The following ERLEC1 variants were observed in gnomAD, a reference collection of about 807,000 sequenced individuals.
ERLEC1 encodes the protein endoplasmic reticulum lectin 1, also known as ER lectin.
ERLEC1 carries 47 observed loss-of-function variants against 68.0 expected under a neutral mutation model. The observed-to-expected ratio is 0.69, with a 90% CI of 0.55 to 0.88. ERLEC1 has a LOEUF of 0.88. Ranked by LOEUF, ERLEC1 falls within the 40% of genes least tolerant of loss-of-function variation. The pLI is 0.00. For synonymous variants in ERLEC1, 225 were observed against 203.2 expected, an observed-to-expected ratio of 1.11 and a Z score of -0.91; for missense variants, 567 against 583.8, an observed-to-expected ratio of 0.97 and a Z score of 0.30.
chr2:53,805,179 TG>T (rs1676220997), intron 8 of ERLEC1, among the ~76,000 whole-genome samples: 1 of 151,308 alleles, frequency 6.6e-6, no homozygotes, highest in South Asian at 2.1e-4. Flanking sequence ...CCCACCACCA[TG>T]CCCGGCTAAT....
chr2:53,807,519 C>T lies in ERLEC1; in HGVS notation c.880-780C>T, dbSNP rs1282420434. The stretch of plus-strand genomic sequence containing the variant: ...CTCCCAGGTTCAAGAGATTATCATG[C>T]CTCAACCTCCCGAGTAGCTGGGATT... On this transcript the variant is annotated intron_variant, in intron 8 of 13. Transcript: ENST00000185150. Among the ~76,000 whole-genome samples the T allele has an allele frequency of 6.6e-5, 10 of 152,142 alleles. No homozygotes were observed. In the East Asian group the frequency reaches 1.7e-3, roughly 26 times the overall value.
At chr2:53,812,208 C>A (rs1316338913) in intron 10 of ERLEC1, among the ~76,000 whole-genome samples, 2 of 152,138 alleles carry the variant, frequency 1.3e-5, no homozygotes, top group African/African-American at 4.8e-5. Flanking sequence ...AGCCTCCGCG[C>A]CCCAGCCAGG....
rs377116177 is a variant in ERLEC1, at chr2:53,797,586, T to G, written c.420T>G (p.Thr140=). 60 of 1,610,154 alleles carry G rather than the reference T, an allele frequency of 3.7e-5. No individual in the cohort carries two copies. Among genetic ancestry groups the G allele is most frequent in the African/African-American group, 1.6e-4 (12 of 74,862 alleles). The change falls in exon 4 of 14, where the codon ACT becomes ACG. Residue 140 remains threonine, a synonymous_variant. Coordinates refer to ENST00000185150, the MANE Select transcript of ERLEC1 (RefSeq NM_015701.5). ...GGCAGTACCATGAAGAGAAAGAAACTGGTCAGGTGTGTTTTTCTTCAAAAT... is the reference window on the plus strand; with the variant it reads ...GGCAGTACCATGAAGAGAAAGAAACGGGTCAGGTGTGTTTTTCTTCAAAAT... ...HIRQYHEEKE[T]GQKINIHEYY...
At chr2:53,804,162 C>T (rs1676154522) in intron 8 of ERLEC1, among the ~76,000 whole-genome samples, 1 of 151,904 alleles carries the variant, frequency 6.6e-6, no homozygotes, top group Non-Finnish European at 1.5e-5. Flanking sequence ...AATAAAAATA[C>T]TCAGCATTTT....
intron 8 of ERLEC1, among the ~76,000 whole-genome samples, chr2:53,802,083 C>G (rs556827960): frequency 6.0e-4 from 92 of 152,268 alleles, no homozygotes; most frequent in African/African-American, 2.2e-3. Flanking sequence ...ACATCCTACT[C>G]ATTATAATTT....
At chr2:53,813,689 G>A (rs956136031) in intron 11 of ERLEC1, among the ~76,000 whole-genome samples, 6 of 151,856 alleles carry the variant, frequency 4.0e-5, no homozygotes, top group South Asian at 2.1e-4. Flanking sequence ...TCCTTCTTGG[G>A]TATTACCTTT....
At chr2:53,794,496 A>AT (rs778285788) in intron 2 of ERLEC1, 47 bp downstream of exon 2, 235 of 859,966 alleles carry the variant, frequency 2.7e-4, no homozygotes, top group Non-Finnish European at 4.1e-4. Context: ...AAAAATATTT[A>AT]TGTAAAACAT....
At chr2:53,793,088 C>T (rs1174279219) in intron 1 of ERLEC1, among the ~76,000 whole-genome samples, 1 of 151,860 alleles carries the variant, frequency 6.6e-6, no homozygotes, top group Non-Finnish European at 1.5e-5. Context: ...CAGGAATAGC[C>T]AAATAGTACC....
chr2:53,813,548 C>G (rs1281400372), intron 11 of ERLEC1, among the ~76,000 whole-genome samples: 1 of 152,158 alleles, frequency 6.6e-6, no homozygotes, highest in Non-Finnish European at 1.5e-5. Context: ...AACTACCTCA[C>G]ATCTCTTTTA....
chr2:53,800,158 T>C (rs1048478167), intron 6 of ERLEC1, among the ~76,000 whole-genome samples: 1 of 152,084 alleles, frequency 6.6e-6, no homozygotes, highest in African/African-American at 2.4e-5. Context: ...CATAATAGAG[T>C]GTACTTACAC....
intron 13 of ERLEC1, among the ~76,000 whole-genome samples, chr2:53,816,141 C>T (rs555196554): frequency 6.6e-6 from 1 of 152,174 alleles, no homozygotes; most frequent in South Asian, 2.1e-4. Flanking sequence ...AATGCAGTGG[C>T]GCAATCTTGG....
intron 13 of ERLEC1, 60 bp downstream of exon 13, chr2:53,814,995 CTTT>C (rs777632156): frequency 0.027 from 12,354 of 463,888 alleles, 3 homozygotes; most frequent in Middle Eastern, 0.048. Flanking sequence ...ATTTTTTTTT[CTTT>C]TTTTTTTTTT....
rs190560271 is a variant in ERLEC1 at position 53,801,352 on chromosome 2, C to T, written c.526-45C>T. ...GTTCCTCTCCCACCCCCAGTCCCATCTCCATGTCTAATGAAAAGTCTGTCT... is the reference window on the plus strand; with the variant it reads ...GTTCCTCTCCCACCCCCAGTCCCATTTCCATGTCTAATGAAAAGTCTGTCT... On this transcript the variant is annotated intron_variant, in intron 6 of 13. Transcript: ENST00000185150. The T allele has an allele frequency of 3.9e-5, 58 of 1,481,038 alleles. No individual in the cohort carries two copies. The East Asian group carries it at 1.2e-3, about 30-fold the overall frequency. 91.7% of individuals were successfully genotyped at this position (1,481,038 alleles called of 1,614,324 possible).
chr2:53,803,287 A>G (rs1676100108), intron 8 of ERLEC1, among the ~76,000 whole-genome samples: 1 of 152,204 alleles, frequency 6.6e-6, no homozygotes, highest in African/African-American at 2.4e-5. Flanking sequence ...GGAAAATGTG[A>G]TTAATTCCAC....
At chr2:53,813,191 G>T in intron 11 of ERLEC1, 118 bp downstream of exon 11, 1 of 1,211,418 alleles carries the variant, frequency 8.3e-7, no homozygotes, top group East Asian at 2.7e-5. Flanking sequence ...TTTTTTCAAG[G>T]GATATCTTTT....
intron 6 of ERLEC1, among the ~76,000 whole-genome samples, chr2:53,799,479 A>T (rs1364601201): frequency 6.6e-6 from 1 of 152,178 alleles, no homozygotes; most frequent in African/African-American, 2.4e-5. Flanking sequence ...GCATGTTAAA[A>T]GCAGGGACAG....
chr2:53,797,842 A>C (rs1218452080), intron 5 of ERLEC1, 47 bp downstream of exon 5: 6 of 1,458,442 alleles, frequency 4.1e-6, no homozygotes, highest in Non-Finnish European at 4.8e-6. Flanking sequence ...AATTTGGTTT[A>C]AAATATATGT....
chr2:53,814,455 C>T (rs1157248503), intron 11 of ERLEC1, 88 bp from the exon 12 acceptor site: 2 of 806,780 alleles, frequency 2.5e-6, no homozygotes, highest in Non-Finnish European at 3.9e-6. Context: ...AAAACTGATC[C>T]CTCTAACCAT....
chr2:53,809,777 C>T (rs1676490202), intron 10 of ERLEC1, among the ~76,000 whole-genome samples: 3 of 152,050 alleles, frequency 2.0e-5, no homozygotes, highest in East Asian at 1.9e-4. Context: ...AAAATGAGGC[C>T]GGGCACAGTG....
Sources: gnomAD v4.1 joint callset for allele counts (sites outside exome capture counted in the v4.1 genomes callset) on GRCh38, gnomAD v4.1.1 for gene constraint, MANE v1.5 for transcripts, NCBI Gene and HGNC (gene_info 2026-07-23, HGNC 2026-07-21) for gene names.